PSKH2: variants seen among roughly 807,000 people sequenced by gnomAD.
The protein encoded by PSKH2 is serine/threonine-protein kinase H2.
A neutral mutation model predicts 22.5 loss-of-function variants in PSKH2; 16 were observed. That is an observed-to-expected ratio of 0.71 (90% CI 0.48 to 1.08). The LOEUF (loss-of-function observed/expected upper bound fraction) is 1.08. PSKH2 is among the 50% of genes least tolerant of loss of function. The probability of loss-of-function intolerance (pLI) is 0.00; values close to 1 mark genes in which losing one functional copy is unlikely to be tolerated. For missense variants in PSKH2, 516 were observed against 492.8 expected, an observed-to-expected ratio of 1.05 and a Z score of -0.44; for synonymous variants, 188 against 184.8, an observed-to-expected ratio of 1.02 and a Z score of -0.14.
intron 2 of PSKH2, among the ~76,000 whole-genome samples, chr8:86,061,561 C>T (rs1323349053): frequency 6.6e-6 from 1 of 152,104 alleles, no homozygotes; most frequent in African/African-American, 2.4e-5. Flanking sequence ...AACTTCCATA[C>T]CTCCCTTTTG....
intron 2 of PSKH2, among the ~76,000 whole-genome samples, chr8:86,062,309 A>G (rs960766917): frequency 1.3e-5 from 2 of 152,246 alleles, no homozygotes; most frequent in African/African-American, 2.4e-5. Flanking sequence ...TTTTGTAAAC[A>G]TAGCTTGGAT....
At chr8:86,061,884 A>G (rs550161679) in intron 2 of PSKH2, among the ~76,000 whole-genome samples, 1 of 152,222 alleles carries the variant, frequency 6.6e-6, no homozygotes, top group Non-Finnish European at 1.5e-5. Flanking sequence ...TGAGTCATAA[A>G]AAAGTGATGA....
At chr8:86,048,833 A>G (rs1450496448) in intron 2 of PSKH2, 66 bp from the exon 3 acceptor site, 1 of 1,336,428 alleles carries the variant, frequency 7.5e-7, no homozygotes, top group East Asian at 2.5e-5. Context: ...AACACAAAGA[A>G]TCCTATTCTT....
chr8:86,051,186 CTCCCAT>C (rs1168491027), intron 2 of PSKH2, among the ~76,000 whole-genome samples: 3 of 152,066 alleles, frequency 2.0e-5, no homozygotes, highest in Admixed American at 2.0e-4. Context: ...GTGCCTCACT[CTCCCAT>C]GCTGGGAGAG....
rs1227369690 is a variant in PSKH2, at chr8:86,069,428, G to A, written c.185+10C>T. On this transcript the variant is annotated intron_variant, in intron 1 of 2. Coordinates refer to ENST00000276616, the MANE Select transcript of PSKH2 (RefSeq NM_033126.3). ...CCAGTCCCAGGCCAGTTCCTCACGTGGCGCTTTACCTGGCAAGGACCCGGG... is the reference window on the plus strand; with the variant it reads ...CCAGTCCCAGGCCAGTTCCTCACGTAGCGCTTTACCTGGCAAGGACCCGGG... The A allele has an allele frequency of 6.4e-7, 1 of 1,567,906 alleles. No homozygotes were observed. The highest frequency in any genetic ancestry group is 1.2e-5 in the South Asian group (1 of 86,224).
chr8:86,062,228 C>G (rs1817786878), intron 2 of PSKH2, among the ~76,000 whole-genome samples: 1 of 152,170 alleles, frequency 6.6e-6, no homozygotes, highest in Non-Finnish European at 1.5e-5. Context: ...GAATTGGGGA[C>G]TATCATACTC....
intron 1 of PSKH2, among the ~76,000 whole-genome samples, chr8:86,066,926 C>T (rs1257066635): frequency 1.3e-5 from 2 of 152,240 alleles, no homozygotes; most frequent in Middle Eastern, 3.4e-3. Context: ...TAATCACAGG[C>T]ATTTCAAATT....
chr8:86,057,450 G>A (rs907530152), intron 2 of PSKH2, among the ~76,000 whole-genome samples: 2 of 151,850 alleles, frequency 1.3e-5, no homozygotes, highest in Non-Finnish European at 2.9e-5. Context: ...GCAGTGGCCC[G>A]ATCTCAGCTC....
At position 86,064,645 on chromosome 8, in the gene PSKH2, A is replaced by G; in HGVS notation, c.186-14T>C. ...TTGATGTCATATCTGTTGGGAAGAAAAACCAAACATGTTATCCCCAGAAGT... is the reference window on the plus strand; with the variant it reads ...TTGATGTCATATCTGTTGGGAAGAAGAACCAAACATGTTATCCCCAGAAGT... On this transcript the variant is annotated splice_polypyrimidine_tract_variant and intron_variant, in intron 1 of 2. Transcript: ENST00000276616. 1.3e-6 allele frequency: 2 copies of G among 1,595,732 alleles called. No individual in the cohort carries two copies. Among genetic ancestry groups the G allele is most frequent in the East Asian group, 4.5e-5 (2 of 44,784 alleles).
intron 2 of PSKH2, among the ~76,000 whole-genome samples, chr8:86,055,936 T>A (rs1371176566): frequency 6.6e-6 from 1 of 151,564 alleles, no homozygotes; most frequent in African/African-American, 2.4e-5. Context: ...TCTATCAATA[T>A]CCATGTGGGA....
At chr8:86,052,696 T>C (rs1817649672) in intron 2 of PSKH2, among the ~76,000 whole-genome samples, 1 of 152,194 alleles carries the variant, frequency 6.6e-6, no homozygotes, top group African/African-American at 2.4e-5. Context: ...ACCAATTCCA[T>C]TCACAATAGC....
At chr8:86,052,135 C>A (rs865802149) in intron 2 of PSKH2, among the ~76,000 whole-genome samples, 1 of 151,770 alleles carries the variant, frequency 6.6e-6, no homozygotes, top group Non-Finnish European at 1.5e-5. Flanking sequence ...GCTATATAAC[C>A]AAAAACAACT....
chr8:86,066,897 C>T (rs913133214), intron 1 of PSKH2, among the ~76,000 whole-genome samples: 3 of 152,020 alleles, frequency 2.0e-5, no homozygotes, highest in Non-Finnish European at 4.4e-5. Flanking sequence ...CACATGCATT[C>T]TCAGTGTGAT....
At position 86,064,330 on chromosome 8, in the gene PSKH2, T is replaced by C; in HGVS notation, c.487A>G (p.Ile163Val). The C allele has an allele frequency of 6.2e-7, 1 of 1,614,126 alleles. No homozygotes were observed. Among genetic ancestry groups the C allele is most frequent in the South Asian group, 1.1e-5 (1 of 91,078 alleles). ...ATCCCATCAGCAACCATCTGGAGGA[T>C]CCTGACGGCATCCCGCTCTGTAAAG... ...GSFTERDAVR[I>V]LQMVADGIRY... Residue 163 changes from isoleucine to valine, a missense_variant, in exon 2 of 3, where the codon ATC (isoleucine) becomes GTC (valine). By Grantham distance (29) the Ile-to-Val change is conservative. Coordinates refer to ENST00000276616, the MANE Select transcript of PSKH2 (RefSeq NM_033126.3).
intron 1 of PSKH2, among the ~76,000 whole-genome samples, chr8:86,066,190 C>T (rs575260042): frequency 5.9e-4 from 87 of 147,698 alleles, no homozygotes; most frequent in African/African-American, 2.0e-3. Context: ...AGGATTAGAA[C>T]GCAGGTCTCC....
chr8:86,057,816 T>C (rs1177266140), intron 2 of PSKH2, among the ~76,000 whole-genome samples: 5 of 152,222 alleles, frequency 3.3e-5, no homozygotes, highest in South Asian at 2.1e-4. Context: ...ATGTGGCCCT[T>C]TTCATGGACC....
intron 2 of PSKH2, among the ~76,000 whole-genome samples, chr8:86,057,912 C>T (rs1219673220): frequency 2.0e-5 from 3 of 152,072 alleles, no homozygotes; most frequent in African/African-American, 7.2e-5. Flanking sequence ...CATTAAAGCA[C>T]TTGTATTTGA....
At position 86,048,307 on chromosome 8, in the gene PSKH2, G is replaced by A. The variant is rs1817558009; in HGVS notation, c.*155C>T. ...AGTATATTTTGGGAAAATGAATACA[G>A]GTATAGGAAAAATTATAGAACAAGA... On this transcript the variant is annotated 3_prime_UTR_variant, in exon 3 of 3. Coordinates refer to ENST00000276616, the MANE Select transcript of PSKH2 (RefSeq NM_033126.3). 1.7e-6 allele frequency: 1 copy of A among 591,922 alleles called. No homozygotes were observed. The highest frequency in any genetic ancestry group is 1.9e-5 in the African/African-American group (1 of 53,882). The allele number at this position is 591,922 out of a possible 1,614,324, so 36.7% of individuals were successfully genotyped here.
intron 2 of PSKH2, among the ~76,000 whole-genome samples, chr8:86,063,226 C>T (rs1006716574): frequency 6.6e-6 from 1 of 152,270 alleles, no homozygotes; most frequent in Non-Finnish European, 1.5e-5. Context: ...TAGATATACA[C>T]GTTACATTTT....
Sources: allele counts gnomAD v4.1 joint callset (sites outside exome capture counted in the v4.1 genomes callset), GRCh38; gene constraint gnomAD v4.1.1; transcripts MANE v1.5; gene names NCBI Gene and HGNC (gene_info 2026-07-23, HGNC 2026-07-21).